Variants in EYS observed in about 807,000 individuals in gnomAD.
EYS encodes the protein EGF-like photoreceptor maintenance factor.
EYS carries 250 observed loss-of-function variants against 282.1 expected under a neutral mutation model. The ratio of observed to expected loss-of-function variants is 0.89; its 90% CI spans 0.80 to 0.98. The LOEUF is 0.98. EYS is among the 50% of genes least tolerant of loss of function. EYS has a pLI of 0.00. For synonymous variants in EYS, 1,355 were observed against 1,282.9 expected, an observed-to-expected ratio of 1.06 and a Z score of -1.20; for missense variants, 4,016 against 3,709.0, an observed-to-expected ratio of 1.08 and a Z score of -2.15.
intron 29 of EYS, among the ~76,000 whole-genome samples, chr6:64,372,055 A>G (rs963723414): frequency 6.7e-6 from 1 of 149,772 alleles, no homozygotes; most frequent in African/African-American, 2.5e-5. Context: ...TGATCTTGTC[A>G]TCATGTTGTT....
chr6:64,726,614 A>G (rs1477709730), intron 22 of EYS, among the ~76,000 whole-genome samples: 1 of 152,154 alleles, frequency 6.6e-6, no homozygotes, highest in Non-Finnish European at 1.5e-5. Context: ...ATTCTATGAT[A>G]AATAGAAGAA....
rs200547796 is a variant in EYS at position 64,909,611 on chromosome 6, A to T, written c.2641+2873T>A. On this transcript the variant is annotated intron_variant, in intron 16 of 42. Coordinates refer to ENST00000503581, the MANE Select transcript of EYS (RefSeq NM_001142800.2). ...TAGAAAATGTTCATTATTCATAGAG[A>T]CCCAATTAATCACCGCAGTTTTAGT... Among the ~76,000 whole-genome samples, 61 of 152,160 alleles carry T rather than the reference A, an allele frequency of 4.0e-4. No homozygotes were observed. In the East Asian group the frequency reaches 0.011, roughly 28 times the overall value.
chr6:65,036,334 G>C (rs1362242356), intron 13 of EYS, among the ~76,000 whole-genome samples: 1 of 151,622 alleles, frequency 6.6e-6, no homozygotes. Context: ...ATCAACTAAA[G>C]ATGTATTAAA....
At chr6:64,009,819 A>G (rs561174609) in intron 33 of EYS, among the ~76,000 whole-genome samples, 1 of 152,232 alleles carries the variant, frequency 6.6e-6, no homozygotes, top group South Asian at 2.1e-4. Context: ...TTGAGTTGCC[A>G]GAGTTCTTGC....
chr6:65,192,906 G>A (rs550233879), intron 12 of EYS, among the ~76,000 whole-genome samples: 7 of 151,892 alleles, frequency 4.6e-5, no homozygotes, highest in African/African-American at 1.4e-4. Flanking sequence ...TATCATTTCT[G>A]TGGGTTGGGA....
chr6:65,493,724 C>T (rs1323598985), intron 4 of EYS, among the ~76,000 whole-genome samples: 1 of 152,106 alleles, frequency 6.6e-6, no homozygotes, highest in Non-Finnish European at 1.5e-5. Context: ...ACTCACCAAA[C>T]ATCTTTTTAC....
chr6:64,881,907 T>C (rs1169166404), intron 19 of EYS, among the ~76,000 whole-genome samples: 2 of 151,858 alleles, frequency 1.3e-5, no homozygotes, highest in Non-Finnish European at 2.9e-5. Context: ...GGACAGTCTA[T>C]AAAATAAGTT....
chr6:63,778,015 G>T lies in EYS; in HGVS notation c.7889C>A (p.Thr2630Asn). The T allele has an allele frequency of 6.4e-7, 1 of 1,551,564 alleles. No homozygotes were observed. The highest frequency in any genetic ancestry group is 8.7e-7 in the Non-Finnish European group (1 of 1,146,876). The change falls in exon 40 of 43, where the codon ACT (threonine) becomes AAT (asparagine). Residue 2630 changes from threonine to asparagine, a missense_variant. By Grantham distance (65) the Thr-to-Asn change is moderately conservative. Coordinates refer to ENST00000503581, the MANE Select transcript of EYS (RefSeq NM_001142800.2). Reference sequence around the variant, plus strand: ...ATAACGTCATACTTACTAAACACTAGTTCCACTCTCTATGCATGTCCCACC... The same window carrying T: ...ATAACGTCATACTTACTAAACACTATTTCCACTCTCTATGCATGTCCCACC... ...GNGGTCIESG[T>N]SVYCNCTTGW...
At chr6:65,368,899 C>T (rs1203417460) in intron 8 of EYS, among the ~76,000 whole-genome samples, 1 of 151,412 alleles carries the variant, frequency 6.6e-6, no homozygotes, top group Non-Finnish European at 1.5e-5. Context: ...AGATGTAAGG[C>T]ATAGAACAGG....
intron 12 of EYS, among the ~76,000 whole-genome samples, chr6:65,079,233 A>T (rs1200151296): frequency 6.6e-6 from 1 of 152,130 alleles, no homozygotes; most frequent in Non-Finnish European, 1.5e-5. Flanking sequence ...TAATAGAAAC[A>T]TTGAGAGATG....
chr6:65,403,478 T>A (rs1582246364), intron 6 of EYS, among the ~76,000 whole-genome samples: 1 of 152,048 alleles, frequency 6.6e-6, no homozygotes, highest in South Asian at 2.1e-4. Flanking sequence ...GATTCCAAGG[T>A]AAAAAGCCCG....
At chr6:63,928,187 A>C (rs192423081) in intron 35 of EYS, among the ~76,000 whole-genome samples, 54 of 152,318 alleles carry the variant, frequency 3.5e-4, no homozygotes, top group African/African-American at 1.2e-3. Context: ...TTGTAAAATA[A>C]CTGATTACTA....
intron 30 of EYS, among the ~76,000 whole-genome samples, chr6:64,239,462 G>T (rs756401746): frequency 1.3e-5 from 2 of 152,092 alleles, no homozygotes; most frequent in Non-Finnish European, 2.9e-5. Context: ...GGAGTGAGAT[G>T]GTATCTCATT....
chr6:65,340,989 T>C (rs1770180084), intron 10 of EYS, among the ~76,000 whole-genome samples: 1 of 151,030 alleles, frequency 6.6e-6, no homozygotes, highest in South Asian at 2.1e-4. Context: ...TTCATCAACT[T>C]CACAAATGTC....
At chr6:65,468,768 A>T (rs1765100717) in intron 5 of EYS, among the ~76,000 whole-genome samples, 1 of 152,102 alleles carries the variant, frequency 6.6e-6, no homozygotes, top group Non-Finnish European at 1.5e-5. Context: ...GAGAAATTTC[A>T]GTTCTGGTGA....
chr6:65,275,952 T>C (rs980721762), intron 12 of EYS, among the ~76,000 whole-genome samples: 1 of 152,134 alleles, frequency 6.6e-6, no homozygotes, highest in South Asian at 2.1e-4. Context: ...ATCACCATCA[T>C]GGTATTCCAC....
At chr6:64,821,033 T>C (rs1764883892) in intron 21 of EYS, among the ~76,000 whole-genome samples, 1 of 152,018 alleles carries the variant, frequency 6.6e-6, no homozygotes, top group South Asian at 2.1e-4. Context: ...CTCCCCAGTA[T>C]TCCAAAAGGC....
intron 2 of EYS, among the ~76,000 whole-genome samples, chr6:65,545,009 C>T (rs1423955700): frequency 6.6e-6 from 1 of 151,916 alleles, no homozygotes; most frequent in African/African-American, 2.4e-5. Context: ...AGTATTAAGG[C>T]AGTTACTTGG....
rs192987204 is a variant in EYS at position 65,389,663 on chromosome 6, T to A, written c.1185-5163A>T. Among the ~76,000 whole-genome samples the A allele has an allele frequency of 1.0e-3, 156 of 152,106 alleles. 1 individual carries two copies. Among genetic ancestry groups the A allele is most frequent in the African/African-American group, 3.7e-3 (152 of 41,498 alleles). On this transcript the variant is annotated intron_variant, in intron 7 of 42. Coordinates refer to ENST00000503581, the MANE Select transcript of EYS (RefSeq NM_001142800.2). ...AGGATTTGTTGATGGACAAGACGTG[T>A]CAAAAGAGAGAAAAGAAGAAATCAA... is the stretch of plus-strand genomic sequence containing the variant.
Sources: gnomAD v4.1 joint callset for allele counts (sites outside exome capture counted in the v4.1 genomes callset) on GRCh38, gnomAD v4.1.1 for gene constraint, MANE v1.5 for transcripts, NCBI Gene and HGNC (gene_info 2026-07-23, HGNC 2026-07-21) for gene names.